The following WWP1 variants were observed in gnomAD, a reference collection of about 807,000 sequenced individuals.
WWP1 encodes the protein WW domain containing E3 ubiquitin protein ligase 1, also known as NEDD4-like E3 ubiquitin-protein ligase WWP1.
WWP1 carries 49 observed loss-of-function variants against 130.6 expected under a neutral mutation model. The observed-to-expected ratio is 0.38, with a 90% CI of 0.30 to 0.48. The LOEUF (loss-of-function observed/expected upper bound fraction) is 0.48, where lower values mean the gene tolerates loss of function less well. Among genes scored for constraint, WWP1 ranks in the 20% least tolerant of loss-of-function variants. The pLI, the probability that WWP1 is intolerant of heterozygous loss-of-function variation, is 0.99. For synonymous variants in WWP1, 332 were observed against 367.8 expected, an observed-to-expected ratio of 0.90 and a Z score of 1.11; for missense variants, 809 against 1,100.6, an observed-to-expected ratio of 0.74 and a Z score of 3.75.
In WWP1 at chr8:86,409,602, G is replaced by A. The variant is rs186227307; in HGVS notation, c.725-1936G>A. On this transcript the variant is annotated intron_variant, in intron 8 of 24. Coordinates refer to ENST00000517970, the MANE Select transcript of WWP1 (RefSeq NM_007013.4). ...AGGCTGGGCACAGTGGCTCATGCCT[G>A]TAATCCCAGAACTTTGGGAGGCCAA... Among the ~76,000 whole-genome samples the A allele has an allele frequency of 7.2e-3, 1,088 of 151,554 alleles. 14 individuals are homozygous for A. The highest frequency in any genetic ancestry group is 0.025 in the African/African-American group (1,035 of 41,406).
At position 86,430,678 on chromosome 8, in the gene WWP1, T is replaced by G. The variant is rs1311707221; in HGVS notation, c.1333-19T>G. ...AACACTGTTATTTTATTTCTCTCCC[T>G]AATCTTTTCTCCAATCAGGCTTCAA... On this transcript the variant is annotated intron_variant, in intron 11 of 24. Coordinates refer to ENST00000517970, the MANE Select transcript of WWP1 (RefSeq NM_007013.4). 6.3e-7 allele frequency: 1 copy of G among 1,579,282 alleles called. No individual in the cohort carries two copies. The highest frequency in any genetic ancestry group is 8.6e-7 in the Non-Finnish European group (1 of 1,160,210).
chr8:86,395,015 G>A (rs1323839814), intron 5 of WWP1, among the ~76,000 whole-genome samples: 3 of 150,748 alleles, frequency 2.0e-5, no homozygotes, highest in African/African-American at 7.3e-5. Context: ...AGAATAGTCT[G>A]CCATACCAAT....
intron 11 of WWP1, among the ~76,000 whole-genome samples, chr8:86,429,101 A>G (rs957050441): frequency 1.3e-5 from 2 of 152,208 alleles, no homozygotes; most frequent in Admixed American, 6.5e-5. Context: ...ATCGCACTTC[A>G]GGCCTGTTAC....
At chr8:86,373,934 G>T in intron 2 of WWP1, 96 bp from the exon 3 acceptor site, 1 of 854,328 alleles carries the variant, frequency 1.2e-6, no homozygotes, top group South Asian at 2.1e-5. Flanking sequence ...TGTACTTTTT[G>T]AGAACTTCTT....
intron 2 of WWP1, among the ~76,000 whole-genome samples, chr8:86,370,679 C>G (rs1015889044): frequency 6.6e-6 from 1 of 151,996 alleles, no homozygotes; most frequent in African/African-American, 2.4e-5. Context: ...TTCATTTCTT[C>G]TTTGTCATAA....
intron 18 of WWP1, among the ~76,000 whole-genome samples, chr8:86,446,367 T>A (rs13253515): frequency 0.27 from 40,975 of 151,974 alleles, 6,380 homozygotes; most frequent in East Asian, 0.53. Flanking sequence ...ATTTGCTTAC[T>A]TTCCTTATGA....
intron 18 of WWP1, among the ~76,000 whole-genome samples, chr8:86,445,942 C>T (rs1452117110): frequency 2.2e-5 from 3 of 135,304 alleles, no homozygotes; most frequent in Non-Finnish European, 4.9e-5. Context: ...TTGTTGGCTG[C>T]TTATATGTCT....
chr8:86,360,215 C>A (rs1823511940), intron 1 of WWP1, among the ~76,000 whole-genome samples: 1 of 151,892 alleles, frequency 6.6e-6, no homozygotes, highest in African/African-American at 2.4e-5. Flanking sequence ...CTTTGATAGT[C>A]AAAATCATCT....
rs6992346 is a variant in WWP1, at chr8:86,461,703, T to C, written c.2597-71T>C. On this transcript the variant is annotated intron_variant, in intron 23 of 24. Coordinates refer to ENST00000517970, the MANE Select transcript of WWP1 (RefSeq NM_007013.4). The stretch of plus-strand genomic sequence containing the variant: ...TCATATGACTGTGCAACATGTTCTA[T>C]TATTTAAGCAGTTGTCAGAAGAAAA... 2,609 of 1,170,414 alleles carry C rather than the reference T, an allele frequency of 2.2e-3. 49 individuals are homozygous for C. The African/African-American group carries it at 0.035, about 16-fold the overall frequency. The allele number at this position is 1,170,414 out of a possible 1,614,324, so 72.5% of individuals were successfully genotyped here. A position where few individuals can be genotyped will look rare whatever the true frequency, so the allele number is the denominator to read the frequency against.
intron 5 of WWP1, among the ~76,000 whole-genome samples, chr8:86,385,168 T>C (rs1825206319): frequency 6.6e-6 from 1 of 152,228 alleles, no homozygotes; most frequent in Non-Finnish European, 1.5e-5. Context: ...GCAAGGTTAT[T>C]GATAGAGATA....
At chr8:86,362,507 G>GC (rs1348825041) in intron 1 of WWP1, among the ~76,000 whole-genome samples, 2 of 152,000 alleles carry the variant, frequency 1.3e-5, no homozygotes, top group Non-Finnish European at 2.9e-5. Context: ...TGCAAGGGTA[G>GC]AAGAATCGGT....
chr8:86,389,571 G>A (rs1023543300), intron 5 of WWP1, among the ~76,000 whole-genome samples: 28 of 152,196 alleles, frequency 1.8e-4, no homozygotes, highest in Non-Finnish European at 3.1e-4. Context: ...CACAGACACC[G>A]TAACAATCTG....
chr8:86,412,829 T>C (rs1808666207), intron 9 of WWP1, among the ~76,000 whole-genome samples: 1 of 151,972 alleles, frequency 6.6e-6, no homozygotes, highest in African/African-American at 2.4e-5. Context: ...TCTAGCACTC[T>C]CCATTATTAT....
chr8:86,442,382 G>A (rs1810638483), intron 17 of WWP1: 2 of 288,062 alleles, frequency 6.9e-6, no homozygotes, highest in African/African-American at 2.2e-5. Context: ...ATACAAATAA[G>A]CATGTTATAT....
intron 9 of WWP1, among the ~76,000 whole-genome samples, chr8:86,413,550 C>T (rs528060143): frequency 6.6e-6 from 1 of 152,130 alleles, no homozygotes; most frequent in South Asian, 2.1e-4. Context: ...AGCTATGACA[C>T]GTCAGTGGAT....
At chr8:86,364,098 A>G (rs935106985) in intron 1 of WWP1, among the ~76,000 whole-genome samples, 3 of 152,214 alleles carry the variant, frequency 2.0e-5, no homozygotes, top group Non-Finnish European at 4.4e-5. Context: ...GCAAGGACAT[A>G]GATGGAATTT....
In WWP1 at chr8:86,413,040, G is replaced by A. The variant is rs1586392237; in HGVS notation, c.1061+1166G>A. Among the ~76,000 whole-genome samples, 4 of 152,210 alleles carry A rather than the reference G, an allele frequency of 2.6e-5. No individual in the cohort carries two copies. In the South Asian group the frequency reaches 8.3e-4, roughly 32 times the overall value. ...GACGGGGTTTTTCCATGTTGGTCAG[G>A]CTGGTCTCGAACTCCTGACCTCATG... On this transcript the variant is annotated intron_variant, in intron 9 of 24. Transcript: ENST00000517970.
At chr8:86,453,029 T>G (rs1446327942) in intron 21 of WWP1, among the ~76,000 whole-genome samples, 2 of 152,178 alleles carry the variant, frequency 1.3e-5, no homozygotes, top group African/African-American at 4.8e-5. Context: ...TTAACTGTAT[T>G]TAGACTTGTT....
At chr8:86,399,968 GCCAGACATTAGT>G (rs1266983610) in intron 7 of WWP1, among the ~76,000 whole-genome samples, 14 of 152,158 alleles carry the variant, frequency 9.2e-5, no homozygotes, top group Non-Finnish European at 1.3e-4. Flanking sequence ...CCTGTTTGAT[GCCAGACATTAGT>G]CCAAGTATTA....
Sources: gnomAD v4.1 joint callset for allele counts (sites outside exome capture counted in the v4.1 genomes callset) on GRCh38, gnomAD v4.1.1 for gene constraint, MANE v1.5 for transcripts, NCBI Gene and HGNC (gene_info 2026-07-23, HGNC 2026-07-21) for gene names.